The following SNRPN variants were observed in gnomAD, a reference collection of about 807,000 sequenced individuals.
SNRPN encodes small nuclear ribonucleoprotein-associated protein N.
In SNRPN, 7 loss-of-function variants were observed where a neutral mutation model predicts 25.2. The ratio of observed to expected loss-of-function variants is 0.28; its 90% CI spans 0.16 to 0.52. The LOEUF (loss-of-function observed/expected upper bound fraction) is 0.52, where lower values mean the gene tolerates loss of function less well. Ranked by LOEUF, SNRPN falls within the 20% of genes least tolerant of loss-of-function variation. SNRPN has a pLI of 0.96. For synonymous variants in SNRPN, 124 were observed against 110.6 expected (o/e 1.12, Z -0.76); for missense variants, 196 against 322.5 (o/e 0.61, Z 3.00).
At chr15:24,861,210 C>T (rs1243078774) in intron 1 of SNRPN, among the ~76,000 whole-genome samples, 1 of 152,170 alleles carries the variant, frequency 6.6e-6, no homozygotes, top group Non-Finnish European at 1.5e-5. Flanking sequence ...TTGGTGATTT[C>T]ATCTCTGTGC....
rs984443293 is a variant in SNRPN, at chr15:24,893,082, G to A, written c.-505+6493G>A. 3.9e-5 allele frequency among the ~76,000 whole-genome samples: 6 copies of A among 151,974 alleles called. No homozygotes were observed. In the South Asian group the frequency reaches 6.2e-4, roughly 16 times the overall value. On this transcript the variant is annotated intron_variant, in intron 2 of 11. Coordinates refer to the SNRPN transcript ENST00000400097. ...AAATTAGCTGGGCATGGAGGTGCAC[G>A]TCTGTAATCCCAGTTATTCGGAGGC...
chr15:24,913,659 AAAACAAAAC>A (rs971047555), intron 2 of SNRPN, among the ~76,000 whole-genome samples: 3 of 148,076 alleles, frequency 2.0e-5, no homozygotes, highest in African/African-American at 8.0e-5. Flanking sequence ...AAAACAAAAC[AAAACAAAAC>A]AAAAAAAACA....
intron 2 of SNRPN, among the ~76,000 whole-genome samples, chr15:24,847,656 T>C (rs942359481): frequency 6.6e-6 from 1 of 152,100 alleles, no homozygotes; most frequent in African/African-American, 2.4e-5. Context: ...TAAAATAATA[T>C]TGCTGCAGGG....
intron 2 of SNRPN, among the ~76,000 whole-genome samples, chr15:24,902,450 T>G (rs2038576194): frequency 6.6e-6 from 1 of 152,124 alleles, no homozygotes; most frequent in African/African-American, 2.4e-5. Flanking sequence ...GGAAAGAAAC[T>G]AAGTATGAAC....
At chr15:24,889,744 A>T (rs1218849790) in intron 2 of SNRPN, among the ~76,000 whole-genome samples, 1 of 151,504 alleles carries the variant, frequency 6.6e-6, no homozygotes, top group Non-Finnish European at 1.5e-5. Context: ...TAGGTAGTGC[A>T]GGGGGTCAGA....
rs1206492584 is a variant in SNRPN, at chr15:24,977,669, A to G, written c.421-109A>G. The G allele has an allele frequency of 4.6e-6, 5 of 1,087,786 alleles. No homozygotes were observed. In the South Asian group the frequency reaches 7.2e-5, roughly 16 times the overall value. 67.4% of individuals were successfully genotyped at this position (1,087,786 alleles called of 1,614,324 possible). On this transcript the variant is annotated intron_variant, in intron 7 of 9. Transcript: ENST00000390687. ...AACATGGGAATAATGAGAGAAGTAC[A>G]TTGCAACAGTTGTTTGTAACTAATT... is the stretch of plus-strand genomic sequence containing the variant.
At chr15:24,887,232 C>T (rs1213840904) in intron 2 of SNRPN, among the ~76,000 whole-genome samples, 1 of 150,704 alleles carries the variant, frequency 6.6e-6, no homozygotes, top group Non-Finnish European at 1.5e-5. Context: ...ACTGCAACCT[C>T]TGCCTCTCGA....
intron 3 of SNRPN, among the ~76,000 whole-genome samples, chr15:24,931,294 T>C (rs1310799199): frequency 6.6e-6 from 1 of 152,174 alleles, no homozygotes; most frequent in East Asian, 1.9e-4. Context: ...ACCTTAATTA[T>C]GTTAAAGAAA....
At chr15:24,941,385 C>T (rs546813279) in intron 3 of SNRPN, among the ~76,000 whole-genome samples, 1 of 152,326 alleles carries the variant, frequency 6.6e-6, no homozygotes, top group South Asian at 2.1e-4. Flanking sequence ...CAGGTGGTCA[C>T]AGCTCATATT....
At chr15:24,834,249 C>A (rs1015366678) in intron 2 of SNRPN, among the ~76,000 whole-genome samples, 5 of 151,638 alleles carry the variant, frequency 3.3e-5, no homozygotes, top group Admixed American at 6.6e-5. Flanking sequence ...CATTATATTT[C>A]TTTTGTAAAG....
rs2059747992 is a variant in SNRPN at position 24,918,623 on chromosome 15, T to TGTATATATAACATAATATATATGTGTGC, written c.-504-1387_-504-1360dup. Among the ~76,000 whole-genome samples the TGTATATATAACATAATATATATGTGTGC allele has an allele frequency of 6.1e-5, 6 of 97,912 alleles. 2 individuals are homozygous for TGTATATATAACATAATATATATGTGTGC. Among genetic ancestry groups the TGTATATATAACATAATATATATGTGTGC allele is most frequent in the Non-Finnish European group, 1.2e-4 (6 of 50,080 alleles). 64.2% of individuals were successfully genotyped at this position (97,912 alleles called of 152,430 possible). Reference sequence around the variant, plus strand: ...ATATATATAACATAATATATATGTGTGTATATATAACATAATATATATGTG... The same window carrying TGTATATATAACATAATATATATGTGTGC: ...ATATATATAACATAATATATATGTGTGTATATATAACATAATATATATGTGTGCGTATATATAACATAATATATATGTG... On this transcript the variant is annotated intron_variant, in intron 2 of 11. Transcript: ENST00000400097.
At chr15:24,909,682 G>T in intron 2 of SNRPN, 4 of 1,240,486 alleles carry the variant, frequency 3.2e-6, no homozygotes, top group Non-Finnish European at 4.7e-6. Context: ...TCCTGTATTT[G>T]AGTGTGTTGT....
Position 24,864,324 on chromosome 15 carries a change from G to A in SNRPN, c.-579+7608G>A, listed in dbSNP as rs55677535. ...ATTACAGGCAAGAACCGCCGCTCCC[G>A]GCCCCTCTTCTTTTCTTTTTTTTTT... On this transcript the variant is annotated intron_variant, in intron 1 of 11. Transcript: ENST00000400097. 7.4e-3 allele frequency among the ~76,000 whole-genome samples: 1,078 copies of A among 144,848 alleles called. 23 individuals carry two copies. The highest frequency in any genetic ancestry group is 0.026 in the African/African-American group (1,008 of 38,788).
At chr15:24,831,519 A>C (rs946366731) in intron 2 of SNRPN, among the ~76,000 whole-genome samples, 6 of 151,996 alleles carry the variant, frequency 3.9e-5, no homozygotes, top group Admixed American at 1.3e-4. Context: ...TTCATTTTTC[A>C]TAATGCAATT....
At chr15:24,964,105 A>AT (rs781236987) in intron 2 of SNRPN, among the ~76,000 whole-genome samples, 5 of 148,862 alleles carry the variant, frequency 3.4e-5, no homozygotes, top group Non-Finnish European at 7.4e-5. Context: ...TTTTTTTTTT[A>AT]TTTTTTCCTA....
At chr15:24,907,735 C>A (rs902527078) in intron 2 of SNRPN, among the ~76,000 whole-genome samples, 1 of 151,864 alleles carries the variant, frequency 6.6e-6, no homozygotes, top group Non-Finnish European at 1.5e-5. Context: ...CATAAGCCAC[C>A]ACGCCTGGCC....
At chr15:24,958,387 T>C (rs200785845) in intron 1 of SNRPN, among the ~76,000 whole-genome samples, 13 of 120,708 alleles carry the variant, frequency 1.1e-4, no homozygotes, top group African/African-American at 5.4e-4. Context: ...TCCTGTCTCC[T>C]TTTTTTTTTT....
Position 24,909,759 on chromosome 15 carries a change from GT to G in SNRPN, c.-504-10251del. 3.1e-6 allele frequency: 4 copies of G among 1,285,016 alleles called. No homozygotes were observed. In the East Asian group the frequency reaches 9.2e-5, roughly 30 times the overall value. The allele number at this position is 1,285,016 out of a possible 1,614,324, so 79.6% of individuals were successfully genotyped here. A position where few individuals can be genotyped will look rare whatever the true frequency, so the allele number is the denominator to read the frequency against. On this transcript the variant is annotated intron_variant, in intron 2 of 11. Coordinates refer to the SNRPN transcript ENST00000400097. The stretch of plus-strand genomic sequence containing the variant: ...TAATCAGTTTTACCCTCTCATCATC[GT>G]CTTCTAAATTTCACTTGGTATCTCT...
At chr15:24,826,966 C>A (rs958207092) in intron 1 of SNRPN, among the ~76,000 whole-genome samples, 4 of 152,026 alleles carry the variant, frequency 2.6e-5, no homozygotes, top group African/African-American at 9.7e-5. Flanking sequence ...AGGCTACAAA[C>A]CTTTACTGAA....
Sources: allele counts gnomAD v4.1 joint callset (sites outside exome capture counted in the v4.1 genomes callset), GRCh38; gene constraint gnomAD v4.1.1; transcripts MANE v1.5; gene names NCBI Gene and HGNC (gene_info 2026-07-23, HGNC 2026-07-21).